ARFGEF2: variants seen among roughly 807,000 people sequenced by gnomAD.
ARFGEF2 encodes ARF guanine nucleotide exchange factor 2.
ARFGEF2 carries 74 observed loss-of-function variants against 219.9 expected under a neutral mutation model. The observed-to-expected ratio is 0.34, with a 90% confidence interval of 0.28 to 0.41. The LOEUF (loss-of-function observed/expected upper bound fraction) is 0.41, where lower values mean the gene tolerates loss of function less well. ARFGEF2 is among the 10% of genes least tolerant of loss of function. The pLI is 1.00. For missense variants in ARFGEF2, 1,743 were observed against 2,218.3 expected (o/e 0.79, Z 4.30); for synonymous variants, 733 against 799.2 (o/e 0.92, Z 1.40).
At chr20:49,013,499 G>A in intron 28 of ARFGEF2, 65 bp from the exon 29 acceptor site, 1 of 1,607,760 alleles carries the variant, frequency 6.2e-7, no homozygotes. Context: ...TCTGCATATA[G>A]TTCCCTTTCA....
chr20:49,013,660 A>C lies in ARFGEF2; in HGVS notation c.4015A>C (p.Ile1339Leu), dbSNP rs762417574. ...WFPILFELSC[I>L]INRCKLDVRT... ...CCCCATCTTATTCGAACTCTCCTGC[A>C]TCATTAATAGATGCAAGTTAGATGT... The change falls in exon 29 of 39, where the codon ATC becomes CTC. Residue 1339 changes from isoleucine to leucine, a missense_variant. Around this residue, in one of 5 missense-constraint regions of ARFGEF2, gnomAD observed 578 missense variants for 664.0 expected, o/e 0.87. Coordinates refer to ENST00000371917, the MANE Select transcript of ARFGEF2 (RefSeq NM_006420.3). 8 of 1,614,194 alleles carry C rather than the reference A, an allele frequency of 5.0e-6. No individual in the cohort carries two copies.
intron 25 of ARFGEF2, among the ~76,000 whole-genome samples, chr20:49,001,812 ATAT>A (rs1402708683): frequency 6.6e-6 from 1 of 152,196 alleles, no homozygotes; most frequent in African/African-American, 2.4e-5. Flanking sequence ...ATTACAGATA[ATAT>A]TGTCTTGGTT....
chr20:49,022,433 A>AC (rs1469178709), intron 34 of ARFGEF2, among the ~76,000 whole-genome samples: 10 of 124,406 alleles, frequency 8.0e-5, no homozygotes, highest in African/African-American at 2.9e-4. Flanking sequence ...CAACAACAAA[A>AC]AAAAAAAACC....
chr20:48,930,303 C>T (rs2090905112), intron 1 of ARFGEF2, among the ~76,000 whole-genome samples: 1 of 152,206 alleles, frequency 6.6e-6, no homozygotes, highest in Non-Finnish European at 1.5e-5. Flanking sequence ...TTCTTAAAGG[C>T]TCCACTCTTA....
At position 48,931,518 on chromosome 20, in the gene ARFGEF2, T is replaced by TA. The variant is rs775620906; in HGVS notation, c.121+9515dup. 9.9e-5 allele frequency among the ~76,000 whole-genome samples: 15 copies of TA among 152,132 alleles called. 1 individual carries two copies. The highest frequency in any genetic ancestry group is 8.3e-4 in the South Asian group (4 of 4,828). Reference sequence around the variant, plus strand: ...AGGGTGATAAATACTAAAAAAAGACTAAAAAAATGAATTAGTAAAGTGAGA... The same window carrying TA: ...AGGGTGATAAATACTAAAAAAAGACTAAAAAAAATGAATTAGTAAAGTGAGA... On this transcript the variant is annotated intron_variant, in intron 1 of 38. Coordinates refer to ENST00000371917, the MANE Select transcript of ARFGEF2 (RefSeq NM_006420.3).
intron 25 of ARFGEF2, chr20:48,999,389 T>G (rs1036044530): frequency 3.9e-6 from 1 of 256,734 alleles, no homozygotes; most frequent in African/African-American, 2.3e-5. Context: ...TGCACACATG[T>G]TGAATAAATA....
chr20:48,964,035 G>A (rs757823416), intron 7 of ARFGEF2, 137 bp downstream of exon 7: 29 of 781,744 alleles, frequency 3.7e-5, no homozygotes, highest in Admixed American at 1.6e-4. Flanking sequence ...ATCTTCCCAC[G>A]TCTGCCCATC....
intron 14 of ARFGEF2, among the ~76,000 whole-genome samples, chr20:48,980,447 AT>A (rs1454065346): frequency 6.6e-6 from 1 of 152,208 alleles, no homozygotes; most frequent in Non-Finnish European, 1.5e-5. Flanking sequence ...GCTGAGAAGA[AT>A]GTATATTCTG....
Position 48,974,852 on chromosome 20 carries a change from T to C in ARFGEF2, c.1752T>C (p.Asn584=), listed in dbSNP as rs1265483949. The C allele has an allele frequency of 6.2e-7, 1 of 1,613,796 alleles. No individual in the cohort carries two copies. The highest frequency in any genetic ancestry group is 8.5e-7 in the Non-Finnish European group (1 of 1,179,882). Residue 584 remains asparagine (N), a synonymous_variant, in exon 13 of 39, where the codon AAT becomes AAC. Transcript: ENST00000371917. ...AGTGGAGCAAAGACCTGTATGTGAATCCCAACCACCAGACCAGCCTCGGTG... is the reference window on the plus strand; with the variant it reads ...AGTGGAGCAAAGACCTGTATGTGAACCCCAACCACCAGACCAGCCTCGGTG... ...MVEWSKDLYV[N]PNHQTSLGQE...
chr20:49,005,755 AAAAG>A (rs1868436934), intron 26 of ARFGEF2, among the ~76,000 whole-genome samples: 1 of 148,864 alleles, frequency 6.7e-6, no homozygotes, highest in East Asian at 1.9e-4. Flanking sequence ...AAAAAAAAAA[AAAAG>A]AAAAGAAATA....
intron 12 of ARFGEF2, among the ~76,000 whole-genome samples, 180 bp from the exon 13 acceptor site, chr20:48,974,586 G>C (rs1229106305): frequency 2.0e-5 from 3 of 152,022 alleles, no homozygotes; most frequent in Admixed American, 2.0e-4. Context: ...AGATGTCCAG[G>C]GCTTTTGCAA....
intron 8 of ARFGEF2, among the ~76,000 whole-genome samples, chr20:48,968,151 G>A (rs539918361): frequency 3.3e-5 from 5 of 151,646 alleles, no homozygotes; most frequent in East Asian, 2.0e-4. Context: ...CCACCACCAC[G>A]CCTGGCTAAT....
intron 7 of ARFGEF2, among the ~76,000 whole-genome samples, 198 bp downstream of exon 7, chr20:48,964,096 C>T (rs2091172878): frequency 1.3e-5 from 2 of 152,124 alleles, no homozygotes; most frequent in South Asian, 2.1e-4. Context: ...ATTTTAGTCT[C>T]ATTTGGGTTG....
At chr20:49,013,365 A>C (rs917335387) in intron 28 of ARFGEF2, among the ~76,000 whole-genome samples, 199 bp from the exon 29 acceptor site, 1 of 150,974 alleles carries the variant, frequency 6.6e-6, no homozygotes, top group African/African-American at 2.4e-5. Flanking sequence ...GCAGAGGTCC[A>C]TAGGTTTGTA....
intron 22 of ARFGEF2, among the ~76,000 whole-genome samples, chr20:48,994,873 T>C (rs1273107530): frequency 6.6e-6 from 1 of 152,222 alleles, no homozygotes; most frequent in Non-Finnish European, 1.5e-5. Context: ...TTTAAAATGT[T>C]CAGATCTCTA....
In ARFGEF2 at chr20:48,971,306, T is replaced by C; in HGVS notation, c.1377T>C (p.Phe459=). 1.2e-6 allele frequency: 2 copies of C among 1,614,202 alleles called. No individual in the cohort carries two copies. Among genetic ancestry groups the C allele is most frequent in the Non-Finnish European group, 1.7e-6 (2 of 1,180,042 alleles). The change falls in exon 10 of 39, where the codon TTT becomes TTC. Residue 459 remains phenylalanine, a synonymous_variant. Transcript: ENST00000371917. ...TCTTTGAGCTCTCTCTTGCCATTTTTCTTACTCTTCTTTCAAACTTTAAAA... is the reference window on the plus strand; with the variant it reads ...TCTTTGAGCTCTCTCTTGCCATTTTCCTTACTCTTCTTTCAAACTTTAAAA... The part of the protein sequence containing the change: ...PDVFELSLAI[F]LTLLSNFKMH...
At chr20:48,958,296 G>T (rs2123373443) in intron 6 of ARFGEF2, among the ~76,000 whole-genome samples, 1 of 152,274 alleles carries the variant, frequency 6.6e-6, no homozygotes, top group South Asian at 2.1e-4. Flanking sequence ...GGAAACTGAG[G>T]CTTGGGGAGG....
At chr20:48,927,688 A>C (rs1600581490) in intron 1 of ARFGEF2, among the ~76,000 whole-genome samples, 1 of 146,586 alleles carries the variant, frequency 6.8e-6, no homozygotes. Context: ...ACTCTGTCTC[A>C]AAAAAAAAAA....
In ARFGEF2 at chr20:49,025,494, A is replaced by G. The variant is rs886056758; in HGVS notation, c.4924+13A>G. On this transcript the variant is annotated intron_variant, in intron 36 of 38. Coordinates refer to ENST00000371917, the MANE Select transcript of ARFGEF2 (RefSeq NM_006420.3). ...CTGTGGCGAGCAGGTAAGGCCACACAGCAGATAAGATAGATGGCCACACTG... is the reference window on the plus strand; with the variant it reads ...CTGTGGCGAGCAGGTAAGGCCACACGGCAGATAAGATAGATGGCCACACTG... The G allele has an allele frequency of 5.0e-6, 8 of 1,613,746 alleles. No individual in the cohort carries two copies. Among genetic ancestry groups the G allele is most frequent in the Non-Finnish European group, 5.9e-6 (7 of 1,179,940 alleles).
Sources: gnomAD v4.1 joint callset for allele counts (sites outside exome capture counted in the v4.1 genomes callset) on GRCh38, gnomAD v4.1.1 for gene constraint, gnomAD v4.1.1 regional missense constraint, MANE v1.5 for transcripts, NCBI Gene and HGNC (gene_info 2026-07-23, HGNC 2026-07-21) for gene names.